ABLIM1: variants seen among roughly 807,000 people sequenced by gnomAD.
ABLIM1 encodes actin binding LIM protein 1.
Under a neutral mutation model 107.0 loss-of-function variants are expected in ABLIM1, and 40 were observed. That is an observed-to-expected ratio of 0.37 (90% CI 0.29 to 0.49). The LOEUF is 0.49. Among genes scored for constraint, ABLIM1 ranks in the 20% least tolerant of loss-of-function variants. ABLIM1 has a pLI of 0.97. For synonymous variants in ABLIM1, 357 were observed against 357.3 expected, an observed-to-expected ratio of 1.00 and a Z score of 0.01; for missense variants, 857 against 1,008.5, an observed-to-expected ratio of 0.85 and a Z score of 2.04.
At chr10:114,686,447 G>C (rs892395410), upstream of ABLIM1, among the ~76,000 whole-genome samples, 2 of 151,658 alleles carry the variant, frequency 1.3e-5, no homozygotes, top group African/African-American at 4.8e-5. Flanking sequence ...CAGAAGATTG[G>C]GGCTGCAGTG....
chr10:114,757,409 C>A (rs1262311589), intron 1 of ABLIM1, among the ~76,000 whole-genome samples: 1 of 152,160 alleles, frequency 6.6e-6, no homozygotes, highest in Non-Finnish European at 1.5e-5. Context: ...AGAAGGCTGA[C>A]TAAGAAACAT....
chr10:114,491,484 G>A (rs188829381), intron 7 of ABLIM1, among the ~76,000 whole-genome samples: 1 of 152,192 alleles, frequency 6.6e-6, no homozygotes, highest in East Asian at 1.9e-4. Flanking sequence ...GGGAGAGTTG[G>A]AGAGGAGATA....
At chr10:114,739,769 C>T (rs2082250925) in intron 1 of ABLIM1, among the ~76,000 whole-genome samples, 1 of 152,108 alleles carries the variant, frequency 6.6e-6, no homozygotes, top group South Asian at 2.1e-4. Flanking sequence ...TTCCCACTTC[C>T]ATTCAGATGG....
intron 1 of ABLIM1, among the ~76,000 whole-genome samples, chr10:114,605,791 T>G (rs1295722801): frequency 1.3e-5 from 2 of 152,200 alleles, no homozygotes; most frequent in Non-Finnish European, 2.9e-5. Flanking sequence ...TTCTCACTAC[T>G]CAGCTAAAGC....
At chr10:114,545,202 A>G (rs2067162809) in intron 5 of ABLIM1, 104 bp from the exon 6 acceptor site, 5 of 993,500 alleles carry the variant, frequency 5.0e-6, no homozygotes, top group East Asian at 2.4e-5. Flanking sequence ...GGCAGGACAT[A>G]TTTCTCCCCT....
intron 12 of ABLIM1, among the ~76,000 whole-genome samples, chr10:114,459,974 C>G (rs977443967): frequency 1.1e-4 from 17 of 152,080 alleles, no homozygotes; most frequent in Non-Finnish European, 1.9e-4. Context: ...TTTAATATTT[C>G]TATGGAAAAG....
rs1356565710 is a variant in ABLIM1, at chr10:114,667,890, T to A, written c.64+16400A>T. Among the ~76,000 whole-genome samples, 4 of 152,334 alleles carry A rather than the reference T, an allele frequency of 2.6e-5. No individual in the cohort carries two copies. In the South Asian group the frequency reaches 8.3e-4, roughly 32 times the overall value. On this transcript the variant is annotated intron_variant, in intron 1 of 23. Transcript: ENST00000369256. ...AAATAATCACTTCTCTCCAGTGTGT[T>A]AGAAATCATCATCTGGGTGCTATTA...
At chr10:114,785,435 T>A in the ABLIM1 span, among the ~76,000 whole-genome samples, 1 of 152,228 alleles carries the variant, frequency 6.6e-6, no homozygotes, top group African/African-American at 2.4e-5. Flanking sequence ...TATGTAATAA[T>A]GGAATAAGTT....
chr10:114,651,474 C>T (rs1395422748), intron 1 of ABLIM1, among the ~76,000 whole-genome samples: 2 of 152,150 alleles, frequency 1.3e-5, no homozygotes, highest in Non-Finnish European at 2.9e-5. Flanking sequence ...TGCCAGGCAG[C>T]AGAATTGCAC....
chr10:114,721,915 G>A (rs1380743915), intron 1 of ABLIM1, among the ~76,000 whole-genome samples: 2 of 152,118 alleles, frequency 1.3e-5, no homozygotes, highest in Non-Finnish European at 2.9e-5. Context: ...CAAAGGCTTG[G>A]GGAAAAAGAA....
At chr10:114,514,239 G>C (rs2062424819) in intron 6 of ABLIM1, among the ~76,000 whole-genome samples, 1 of 151,632 alleles carries the variant, frequency 6.6e-6, no homozygotes, top group South Asian at 2.1e-4. Context: ...GCCGGAGATT[G>C]CGGTGAGCCA....
chr10:114,497,678 T>C (rs1253962314), intron 6 of ABLIM1, among the ~76,000 whole-genome samples: 3 of 75,278 alleles, frequency 4.0e-5, no homozygotes, highest in Admixed American at 1.6e-4. Flanking sequence ...CCGGATTCTG[T>C]CTCAAAAAAA....
At chr10:114,702,748 C>T (rs1004124066) in intron 1 of ABLIM1, among the ~76,000 whole-genome samples, 1 of 151,908 alleles carries the variant, frequency 6.6e-6, no homozygotes, top group African/African-American at 2.4e-5. Flanking sequence ...CTCCTGACCT[C>T]GTGATCTGCC....
chr10:114,684,790 A>T, exon 1 of ABLIM1: 1 of 901,036 alleles, frequency 1.1e-6, no homozygotes, highest in South Asian at 5.1e-5. Flanking sequence ...TAACTGAAAC[A>T]CATGAAATAA....
intron 6 of ABLIM1, among the ~76,000 whole-genome samples, chr10:114,527,548 C>G (rs1013995061): frequency 6.6e-6 from 1 of 152,100 alleles, no homozygotes; most frequent in African/African-American, 2.4e-5. Context: ...GCTGCAGGCT[C>G]TCTATGCATG....
chr10:114,446,665 C>T (rs1211093010), intron 15 of ABLIM1, among the ~76,000 whole-genome samples: 1 of 152,038 alleles, frequency 6.6e-6, no homozygotes, highest in African/African-American at 2.4e-5. Context: ...AATTCAACAA[C>T]AAAAACTTAA....
At chr10:114,612,424 T>G (rs1244920407) in intron 1 of ABLIM1, among the ~76,000 whole-genome samples, 1 of 152,200 alleles carries the variant, frequency 6.6e-6, no homozygotes, top group Non-Finnish European at 1.5e-5. Context: ...TAAATTCTGT[T>G]TCTTTATAAA....
At chr10:114,535,693 G>A (rs1020382194) in intron 6 of ABLIM1, among the ~76,000 whole-genome samples, 1 of 152,194 alleles carries the variant, frequency 6.6e-6, no homozygotes, top group African/African-American at 2.4e-5. Context: ...GTAGATGTGT[G>A]TATGTGAAAT....
At chr10:114,436,587 T>G (rs2059430354) in intron 22 of ABLIM1, among the ~76,000 whole-genome samples, 1 of 151,814 alleles carries the variant, frequency 6.6e-6, no homozygotes, top group African/African-American at 2.4e-5. Context: ...GCTGGCAGAG[T>G]ATTAATGGGG....
Sources: allele counts gnomAD v4.1 joint callset (sites outside exome capture counted in the v4.1 genomes callset), GRCh38; gene constraint gnomAD v4.1.1; transcripts MANE v1.5; gene names NCBI Gene and HGNC (gene_info 2026-07-23, HGNC 2026-07-21).